The following SMARCAL1 variants were observed in gnomAD, a reference collection of about 807,000 sequenced individuals.
The protein encoded by SMARCAL1 is SNF2 related chromatin remodeling annealing helicase 1.
Under a neutral mutation model 94.5 loss-of-function variants are expected in SMARCAL1, and 58 were observed. That is an observed-to-expected ratio of 0.61 (90% CI 0.50 to 0.76). The LOEUF (loss-of-function observed/expected upper bound fraction) is 0.76. SMARCAL1 is among the 30% of genes least tolerant of loss of function. The pLI is 0.00. For synonymous variants in SMARCAL1, 422 were observed against 455.1 expected (o/e 0.93, Z 0.93); for missense variants, 1,051 against 1,177.9 (o/e 0.89, Z 1.58).
chr2:216,456,827 C>G (rs1177718026), intron 12 of SMARCAL1, among the ~76,000 whole-genome samples: 2 of 152,146 alleles, frequency 1.3e-5, no homozygotes, highest in Non-Finnish European at 2.9e-5. Context: ...ATGACAGGAT[C>G]AAATTCACAC....
At chr2:216,440,557 C>A (rs757873906) in intron 10 of SMARCAL1, among the ~76,000 whole-genome samples, 3 of 152,206 alleles carry the variant, frequency 2.0e-5, no homozygotes, top group Non-Finnish European at 2.9e-5. Context: ...TTAAAATAAG[C>A]CTCATGAACA....
chr2:216,455,703 T>C (rs570583076), intron 12 of SMARCAL1, among the ~76,000 whole-genome samples: 1 of 152,210 alleles, frequency 6.6e-6, no homozygotes, highest in Admixed American at 6.5e-5. Context: ...CATCTGTACG[T>C]CACCATCATC....
chr2:216,446,587 G>T, intron 10 of SMARCAL1: 1 of 433,568 alleles, frequency 2.3e-6, no homozygotes, highest in South Asian at 1.6e-5. Flanking sequence ...CCCACTTCCT[G>T]TCCAATGCTG....
At chr2:216,455,863 G>A (rs543981174) in intron 12 of SMARCAL1, among the ~76,000 whole-genome samples, 8 of 152,294 alleles carry the variant, frequency 5.3e-5, no homozygotes, top group African/African-American at 1.7e-4. Context: ...TGACTTTGAC[G>A]AGTTGAGAGA....
At position 216,432,839 on chromosome 2, in the gene SMARCAL1, C is replaced by G; in HGVS notation, c.1456C>G (p.Pro486Ala). The G allele has an allele frequency of 6.2e-7, 1 of 1,614,200 alleles. No individual in the cohort carries two copies. The highest frequency in any genetic ancestry group is 8.5e-7 in the Non-Finnish European group (1 of 1,180,042). ...RKEWPLLVVV[P>A]SSVRFTWEQA... ...GGAGTGGCCGCTCCTGGTGGTGGTG[C>G]CATCCTCCGTGCGCTTCACCTGGGA... The change falls in exon 8 of 18, where the codon CCA (proline) becomes GCA (alanine). Residue 486 changes from proline to alanine, a missense_variant. Pro to Ala is a conservative substitution (Grantham distance 27, BLOSUM62 -1). Around this residue, in one of 3 missense-constraint regions of SMARCAL1, gnomAD observed 642 missense variants for 754.7 expected, o/e 0.85. Transcript: ENST00000357276.
chr2:216,421,588 C>T lies in SMARCAL1; in HGVS notation c.1096+1056C>T, dbSNP rs575239163. Among the ~76,000 whole-genome samples, 15 of 152,266 alleles carry T rather than the reference C, an allele frequency of 9.9e-5. 1 individual carries two copies. The highest frequency in any genetic ancestry group is 2.9e-4 in the African/African-American group (12 of 41,560). ...ACAGGCATGAGCCACCGTGCCTGGC[C>T]GTTTTGCTTTAGTTTTTCATGAGGT... is the stretch of plus-strand genomic sequence containing the variant. On this transcript the variant is annotated intron_variant, in intron 5 of 17. Transcript: ENST00000357276.
At chr2:216,414,230 T>C (rs949511448) in intron 2 of SMARCAL1, 6 of 160,366 alleles carry the variant, frequency 3.7e-5, no homozygotes, top group African/African-American at 1.4e-4. Context: ...CGATCTTGGC[T>C]TACTGCAACC....
At chr2:216,418,448 A>G (rs1451229871) in intron 4 of SMARCAL1, among the ~76,000 whole-genome samples, 1 of 152,094 alleles carries the variant, frequency 6.6e-6, no homozygotes, top group Non-Finnish European at 1.5e-5. Flanking sequence ...ATAATTATGG[A>G]TTTGTGAATT....
At position 216,475,446 on chromosome 2, in the gene SMARCAL1, C is replaced by G. The variant is rs766681838; in HGVS notation, c.2422C>G (p.Pro808Ala). The change falls in exon 15 of 18, where the codon CCA (proline) becomes GCA (alanine). Residue 808 changes from proline (P) to alanine (A), a missense_variant. Coordinates refer to ENST00000357276, the MANE Select transcript of SMARCAL1 (RefSeq NM_014140.4). The surrounding 1 kb of genome is among the most constrained non-coding windows in gnomAD (Gnocchi z 4.4). ...LVVFAELFWN[P>A]GVLIQAEDRV... is the part of the protein sequence containing the mutation. The stretch of plus-strand genomic sequence containing the variant: ...GGTGTTTGCTGAGCTGTTTTGGAAC[C>G]CAGGGGTAAGAGACGCAGAAGACTC... 1 of 1,614,064 alleles carries G rather than the reference C, an allele frequency of 6.2e-7. No homozygotes were observed. Among genetic ancestry groups the G allele is most frequent in the East Asian group, 2.2e-5 (1 of 44,870 alleles).
intron 10 of SMARCAL1, among the ~76,000 whole-genome samples, chr2:216,442,220 C>G (rs1694211108): frequency 6.6e-6 from 1 of 151,948 alleles, no homozygotes; most frequent in East Asian, 1.9e-4. Context: ...AGTTTGAGAC[C>G]AGCCTGGCCA....
At chr2:216,413,261 A>G (rs1693506082) in intron 1 of SMARCAL1, among the ~76,000 whole-genome samples, 1 of 152,200 alleles carries the variant, frequency 6.6e-6, no homozygotes, top group African/African-American at 2.4e-5. Context: ...GTACCCCTAC[A>G]TCATCATTGT....
rs1403239152 is a variant in SMARCAL1, at chr2:216,420,464, T to C, written c.1028T>C (p.Phe343Ser). 1.2e-6 allele frequency: 2 copies of C among 1,614,090 alleles called. No individual in the cohort carries two copies. The highest frequency in any genetic ancestry group is 1.7e-6 in the Non-Finnish European group (2 of 1,180,044). ...GRCMLISRAYFEADISYSQDL... is the reference protein window; with the variant it reads ...GRCMLISRAYSEADISYSQDL... ...TGCATGCTCATCTCCAGGGCCTACTTCGAGGCAGACATCAGTTATTCACAG... is the reference window on the plus strand; with the variant it reads ...TGCATGCTCATCTCCAGGGCCTACTCCGAGGCAGACATCAGTTATTCACAG... The change falls in exon 5 of 18, where the codon TTC (phenylalanine) becomes TCC (serine). Residue 343 changes from phenylalanine to serine, a missense_variant. Phe to Ser is a radical substitution (Grantham distance 155). This residue lies in a region of SMARCAL1 where 11 missense variants were observed against 28.0 expected (regional missense o/e 0.39). Coordinates refer to ENST00000357276, the MANE Select transcript of SMARCAL1 (RefSeq NM_014140.4).
chr2:216,473,671 A>G (rs1015721726), intron 14 of SMARCAL1, among the ~76,000 whole-genome samples: 63 of 152,206 alleles, frequency 4.1e-4, no homozygotes, highest in African/African-American at 1.5e-3. Flanking sequence ...AGATATATAT[A>G]CCATACACAT....
intron 17 of SMARCAL1, among the ~76,000 whole-genome samples, chr2:216,478,520 A>G (rs1414074192): frequency 6.6e-6 from 1 of 152,198 alleles, no homozygotes; most frequent in Non-Finnish European, 1.5e-5. Flanking sequence ...ACATTCCCGC[A>G]CAGGCTCTGA....
At chr2:216,416,371 C>A in intron 4 of SMARCAL1, 64 bp downstream of exon 4, 1 of 1,374,252 alleles carries the variant, frequency 7.3e-7, no homozygotes, top group Non-Finnish European at 1.0e-6. Context: ...TAGAGTATCA[C>A]ATGTAGTCCA....
rs762716070 is a variant in SMARCAL1, at chr2:216,451,065, G to GT, written c.2070+2dup. 127 of 1,612,576 alleles carry GT rather than the reference G, an allele frequency of 7.9e-5. No individual in the cohort carries two copies. Among genetic ancestry groups the GT allele is most frequent in the Non-Finnish European group, 1.1e-4 (124 of 1,178,776 alleles). On this transcript the variant is annotated splice_donor_variant, in intron 12 of 17. Coordinates refer to ENST00000357276, the MANE Select transcript of SMARCAL1 (RefSeq NM_014140.4). LOFTEE classifies it high-confidence loss of function. ...GGAAATGACCACCAAGGACAAAACT[G>GT]TGAGTCCAGGGCTGGAGACAGATTT...
intron 10 of SMARCAL1, among the ~76,000 whole-genome samples, chr2:216,444,281 A>C (rs1694258343): frequency 6.6e-6 from 1 of 152,178 alleles, no homozygotes; most frequent in Admixed American, 6.5e-5. Context: ...TTCTGGGTAT[A>C]AGACTGGACT....
chr2:216,481,226 T>C (rs1309111035), intron 17 of SMARCAL1, among the ~76,000 whole-genome samples: 1 of 152,188 alleles, frequency 6.6e-6, no homozygotes, highest in African/African-American at 2.4e-5. Context: ...AGGGTCTCAC[T>C]CTGTCACCCA....
At chr2:216,444,087 A>G (rs1465223776) in intron 10 of SMARCAL1, among the ~76,000 whole-genome samples, 3 of 152,190 alleles carry the variant, frequency 2.0e-5, no homozygotes, top group Non-Finnish European at 2.9e-5. Flanking sequence ...AGATTGTATC[A>G]TGACCTCTGA....
Sources: gnomAD v4.1 joint callset for allele counts (sites outside exome capture counted in the v4.1 genomes callset) on GRCh38, gnomAD v4.1.1 for gene constraint, gnomAD v4.1.1 regional missense constraint, Gnocchi (gnomAD v3.1) non-coding constraint, MANE v1.5 for transcripts, NCBI Gene and HGNC (gene_info 2026-07-23, HGNC 2026-07-21) for gene names.